Variants in SH3D21 observed in about 807,000 individuals in gnomAD.
The protein encoded by SH3D21 is SH3 domain-containing protein 21.
A neutral mutation model predicts 82.1 loss-of-function variants in SH3D21; 83 were observed. That is an observed-to-expected ratio of 1.01 (90% confidence interval 0.85 to 1.21). SH3D21 has a LOEUF of 1.21. Ranked by LOEUF, SH3D21 falls within the 50% of genes most tolerant of loss-of-function variation. The pLI is 0.00. For synonymous variants in SH3D21, 383 were observed against 387.8 expected (o/e 0.99, Z 0.15); for missense variants, 980 against 962.1 (o/e 1.02, Z -0.25).
chr1:36,323,881 T>G (rs894880806), downstream of SH3D21: 3 of 152,254 alleles, frequency 2.0e-5, no homozygotes, highest in Non-Finnish European at 2.9e-5. Context: ...TTGGACAGGT[T>G]CTTTCACTTA....
At position 36,319,517 on chromosome 1, in the gene SH3D21, A is replaced by T; in HGVS notation, c.992A>T (p.Gln331Leu). The change falls in exon 13 of 16, where the codon CAA (glutamine) becomes CTA (leucine). Residue 331 changes from glutamine to leucine, a missense_variant. Coordinates refer to ENST00000453908, the MANE Select transcript of SH3D21 (RefSeq NM_001162530.2). ...RKRSKTQTPQQRSVSSQEEEH... is the reference protein window; with the variant it reads ...RKRSKTQTPQLRSVSSQEEEH... Reference sequence around the variant, plus strand: ...CGATCCAAAACCCAGACTCCCCAGCAACGCTCTGTGTCCAGTCAGGTGAGG... The same window carrying T: ...CGATCCAAAACCCAGACTCCCCAGCTACGCTCTGTGTCCAGTCAGGTGAGG... 1 of 1,551,692 alleles carries T rather than the reference A, an allele frequency of 6.4e-7. No homozygotes were observed. The highest frequency in any genetic ancestry group is 8.7e-7 in the Non-Finnish European group (1 of 1,146,970).
chr1:36,312,585 C>A (rs1646262264), intron 10 of SH3D21, among the ~76,000 whole-genome samples: 1 of 152,162 alleles, frequency 6.6e-6, no homozygotes, highest in South Asian at 2.1e-4. Flanking sequence ...CTCTTCACTC[C>A]TGCCTTTTAA....
Position 36,308,098 on chromosome 1 carries a change from C to T in SH3D21, c.539-11C>T. On this transcript the variant is annotated splice_polypyrimidine_tract_variant and intron_variant, in intron 7 of 15. Coordinates refer to ENST00000453908, the MANE Select transcript of SH3D21 (RefSeq NM_001162530.2). ...TTGGCTTCAGAGGACAGTGGACTGA[C>T]CTCTTCCCAGTCTCCCACCCTGAGG... is the stretch of plus-strand genomic sequence containing the variant. The T allele has an allele frequency of 6.5e-7, 1 of 1,545,814 alleles. No individual in the cohort carries two copies. The highest frequency in any genetic ancestry group is 8.7e-7 in the Non-Finnish European group (1 of 1,143,442).
Position 36,307,859 on chromosome 1 carries a change from A to G in SH3D21, c.492+34A>G. ...GCTCAGAGTAGGCACAGAGGTGGTG[A>G]GTTCCTCTTGGGGTGGTTGGAGGCT... On this transcript the variant is annotated intron_variant, in intron 6 of 15. Coordinates refer to ENST00000453908, the MANE Select transcript of SH3D21 (RefSeq NM_001162530.2). This position sits in a 1 kb window ranked among gnomAD's most constrained non-coding sequence, Gnocchi z 5.4. 6.4e-7 allele frequency: 1 copy of G among 1,551,688 alleles called. No individual in the cohort carries two copies. Among genetic ancestry groups the G allele is most frequent in the Admixed American group, 2.0e-5 (1 of 51,000 alleles).
rs1191746849 is a variant in SH3D21, at chr1:36,319,491, G to C, written c.966G>C (p.Lys322Asn). The C allele has an allele frequency of 6.4e-7, 1 of 1,551,550 alleles. No homozygotes were observed. Among genetic ancestry groups the C allele is most frequent in the Non-Finnish European group, 8.7e-7 (1 of 1,146,998 alleles). ...GGGGTTCGTATCACCCTGGCCGAAA[G>C]CGATCCAAAACCCAGACTCCCCAGC... ...QSGGSYHPGR[K>N]RSKTQTPQQR... is the part of the protein sequence containing the mutation. Residue 322 changes from lysine to asparagine, a missense_variant, in exon 13 of 16, where the codon AAG becomes AAC. Coordinates refer to ENST00000453908, the MANE Select transcript of SH3D21 (RefSeq NM_001162530.2).
Position 36,319,114 on chromosome 1 carries a change from C to A in SH3D21, c.813C>A (p.Leu271=), listed in dbSNP as rs200744125. Reference sequence around the variant, plus strand: ...AAAAGTTGATGCCCAAAACATCCCTCCCCACAGTCAAGAAGCTAGCAACAG... The same window carrying A: ...AAAAGTTGATGCCCAAAACATCCCTACCCACAGTCAAGAAGCTAGCAACAG... The part of the protein sequence containing the change: ...EPKKLMPKTS[L]PTVKKLATAT... The change falls in exon 11 of 16, where the codon CTC becomes CTA. Residue 271 remains leucine (L), a synonymous_variant. Transcript: ENST00000453908. The A allele has an allele frequency of 2.6e-6, 4 of 1,551,500 alleles. No homozygotes were observed. In the East Asian group the frequency reaches 9.8e-5, roughly 38 times the overall value.
In SH3D21 at chr1:36,306,407, G is replaced by A. The variant is rs1330153410; in HGVS notation, c.-14G>A. 1 of 1,305,430 alleles carries A rather than the reference G, an allele frequency of 7.7e-7. No homozygotes were observed. Among genetic ancestry groups the A allele is most frequent in the South Asian group, 1.2e-5 (1 of 81,038 alleles). The allele number at this position is 1,305,430 out of a possible 1,614,324, so 80.9% of individuals were successfully genotyped here. On this transcript the variant is annotated 5_prime_UTR_variant, in exon 1 of 16. Coordinates refer to ENST00000453908, the MANE Select transcript of SH3D21 (RefSeq NM_001162530.2). This position sits in a 1 kb window ranked among gnomAD's most constrained non-coding sequence, Gnocchi z 4.5. ...AGAGGGAGCTGCCAGGCTCTGGAGGGCGCCCCGGAAACCATGGGTAAGTGC... is the reference window on the plus strand; with the variant it reads ...AGAGGGAGCTGCCAGGCTCTGGAGGACGCCCCGGAAACCATGGGTAAGTGC...
chr1:36,325,310 G>T (rs868818420), downstream of SH3D21, among the ~76,000 whole-genome samples: 3 of 152,324 alleles, frequency 2.0e-5, no homozygotes, highest in South Asian at 2.1e-4. Flanking sequence ...GGGATTACAA[G>T]TGTGAGCCAT....
Position 36,313,972 on chromosome 1 carries a change from CTTTT to C in SH3D21, c.769+4399_769+4402del, listed in dbSNP as rs767624105. On this transcript the variant is annotated intron_variant, in intron 10 of 15. Transcript: ENST00000453908. Reference sequence around the variant, plus strand: ...TGGCTAATGATGCTGAACATATTTTCTTTTTTTTTTTTTTTTTTTTGAGACGGAG... The same window carrying C: ...TGGCTAATGATGCTGAACATATTTTCTTTTTTTTTTTTTTTTGAGACGGAG... Among the ~76,000 whole-genome samples the C allele has an allele frequency of 1.7e-3, 63 of 36,830 alleles. 5 individuals carry two copies. In the East Asian group the frequency reaches 0.05, roughly 29 times the overall value. 24.2% of individuals were successfully genotyped at this position (36,830 alleles called of 152,430 possible).
In SH3D21 at chr1:36,307,142, C is replaced by A. The variant is rs1270460466; in HGVS notation, c.227-25C>A. 6.4e-7 allele frequency: 1 copy of A among 1,551,066 alleles called. No individual in the cohort carries two copies. The highest frequency in any genetic ancestry group is 1.2e-5 in the South Asian group (1 of 83,796). On this transcript the variant is annotated intron_variant, in intron 3 of 15. Coordinates refer to ENST00000453908, the MANE Select transcript of SH3D21 (RefSeq NM_001162530.2). The surrounding 1 kb of genome is among the most constrained non-coding windows in gnomAD (Gnocchi z 5.4). Reference sequence around the variant, plus strand: ...CTCTGACTGGGGCGTCCGACTGGAGCTCAGCCGCGCTTGTCCGGTGCTAGG... The same window carrying A: ...CTCTGACTGGGGCGTCCGACTGGAGATCAGCCGCGCTTGTCCGGTGCTAGG...
downstream of SH3D21, chr1:36,322,388 G>C (rs766445791): frequency 1.3e-6 from 2 of 1,596,856 alleles, no homozygotes; most frequent in Non-Finnish European, 1.7e-6. Context: ...CGGTGCGCCA[G>C]ATCTCCCGCA....
downstream of SH3D21, chr1:36,322,881 G>T: frequency 6.5e-7 from 1 of 1,549,284 alleles, no homozygotes; most frequent in Non-Finnish European, 8.8e-7. Flanking sequence ...CGGGGAGCGG[G>T]GCGGAGGGGA....
chr1:36,321,215 C>T lies in SH3D21; in HGVS notation c.*88C>T. On this transcript the variant is annotated 3_prime_UTR_variant, in exon 16 of 16. Transcript: ENST00000453908. The surrounding 1 kb of genome is among the most constrained non-coding windows in gnomAD (Gnocchi z 6.1). ...ACTTTGGGAAACGCGAGAAAGTAAA[C>T]TCTGCCTAGCACGGCGCCACGCCGG... The T allele has an allele frequency of 6.5e-7, 1 of 1,530,012 alleles. No homozygotes were observed. The highest frequency in any genetic ancestry group is 8.8e-7 in the Non-Finnish European group (1 of 1,138,674). 94.8% of individuals were successfully genotyped at this position (1,530,012 alleles called of 1,614,324 possible).
downstream of SH3D21, chr1:36,328,217 G>C (rs200140982): frequency 1.1e-3 from 480 of 442,084 alleles, 2 homozygotes; most frequent in Admixed American, 2.0e-3. Context: ...AGAGCCTATG[G>C]GAGGGGACTT....
At position 36,319,729 on chromosome 1, in the gene SH3D21, C is replaced by A; in HGVS notation, c.1066C>A (p.Pro356Thr). ...CCCCTCTGTGAAGAGAACCCCCATG[C>A]CGGACAAGACTGCCACCCCAGAGAG... ...KAPSVKRTPM[P>T]DKTATPERPP... is the part of the protein sequence containing the mutation. Residue 356 changes from proline (P) to threonine (T), a missense_variant, in exon 14 of 16, where the codon CCG becomes ACG. By Grantham distance (38) the Pro-to-Thr change is conservative (BLOSUM62 -1). Transcript: ENST00000453908. 1 of 1,596,160 alleles carries A rather than the reference C, an allele frequency of 6.3e-7. No homozygotes were observed. The highest frequency in any genetic ancestry group is 1.1e-5 in the South Asian group (1 of 88,346).
At chr1:36,330,102 G>T (rs1203799954), downstream of SH3D21, among the ~76,000 whole-genome samples, 1 of 152,092 alleles carries the variant, frequency 6.6e-6, no homozygotes, top group East Asian at 1.9e-4. Context: ...CAAGACACCT[G>T]CACCCCCAAC....
Position 36,319,995 on chromosome 1 carries a change from C to T in SH3D21, c.1332C>T (p.Pro444=). 1 of 1,614,140 alleles carries T rather than the reference C, an allele frequency of 6.2e-7. No individual in the cohort carries two copies. The highest frequency in any genetic ancestry group is 8.5e-7 in the Non-Finnish European group (1 of 1,180,008). ...IPEETLTVDK[P]STPERVFSVE... Reference sequence around the variant, plus strand: ...AGGAGACCCTGACTGTGGACAAACCCTCCACTCCAGAGAGGGTCTTTTCAG... The same window carrying T: ...AGGAGACCCTGACTGTGGACAAACCTTCCACTCCAGAGAGGGTCTTTTCAG... Residue 444 remains proline, a synonymous_variant, in exon 14 of 16, where the codon CCC becomes CCT. Coordinates refer to ENST00000453908, the MANE Select transcript of SH3D21 (RefSeq NM_001162530.2).
Position 36,306,618 on chromosome 1 carries a change from T to C in SH3D21, c.25T>C (p.Tyr9His). The C allele has an allele frequency of 7.7e-7, 1 of 1,302,646 alleles. No individual in the cohort carries two copies. The highest frequency in any genetic ancestry group is 1.0e-6 in the Non-Finnish European group (1 of 988,696). 80.7% of individuals were successfully genotyped at this position (1,302,646 alleles called of 1,614,324 possible). A position where few individuals can be genotyped will look rare whatever the true frequency, so the allele number is the denominator to read the frequency against. The change falls in exon 2 of 16, where the codon TAC becomes CAC. Residue 9 changes from tyrosine to histidine, a missense_variant. Coordinates refer to ENST00000453908, the MANE Select transcript of SH3D21 (RefSeq NM_001162530.2). This position sits in a 1 kb window ranked among gnomAD's most constrained non-coding sequence, Gnocchi z 4.5. MEVLVLAG[Y>H]RAQKEDELSL... ...CGCAGAAGTCCTCGTCCTGGCCGGA[T>C]ACCGCGCGCAGAAGGAGGACGAGCT... is the stretch of plus-strand genomic sequence containing the variant.
At position 36,306,745 on chromosome 1, in the gene SH3D21, G is replaced by A. The variant is rs957493419; in HGVS notation, c.152G>A (p.Arg51His). Reference sequence around the variant, plus strand: ...GGCCGCTATGGCCTCTTCCCCGAGCGCCTGGTGCAGGTGAGGCCGAGCCAG... The same window carrying A: ...GGCCGCTATGGCCTCTTCCCCGAGCACCTGGTGCAGGTGAGGCCGAGCCAG... ...FGGRYGLFPE[R>H]LVQEIPETLR... Residue 51 changes from arginine to histidine, a missense_variant, in exon 2 of 16, where the codon CGC becomes CAC. Transcript: ENST00000453908. The surrounding 1 kb of genome is among the most constrained non-coding windows in gnomAD (Gnocchi z 4.5). 2 of 1,289,526 alleles carry A rather than the reference G, an allele frequency of 1.6e-6. No individual in the cohort carries two copies. Among genetic ancestry groups the A allele is most frequent in the Non-Finnish European group, 2.0e-6 (2 of 986,806 alleles). The allele number at this position is 1,289,526 out of a possible 1,614,324, so 79.9% of individuals were successfully genotyped here.
Sources: allele counts gnomAD v4.1 joint callset (sites outside exome capture counted in the v4.1 genomes callset), GRCh38; gene constraint gnomAD v4.1.1; non-coding constraint Gnocchi (gnomAD v3.1); transcripts MANE v1.5; gene names NCBI Gene and HGNC (gene_info 2026-07-23, HGNC 2026-07-21).